NOL10: variants seen among roughly 807,000 people sequenced by gnomAD.
NOL10 encodes the protein nucleolar protein 10.
Under a neutral mutation model 103.5 loss-of-function variants are expected in NOL10, and 58 were observed. The ratio of observed to expected loss-of-function variants is 0.56; its 90% CI spans 0.45 to 0.70. NOL10 has a LOEUF of 0.70. NOL10 is among the 30% of genes least tolerant of loss of function. The pLI is 0.00. For synonymous variants in NOL10, 287 were observed against 282.5 expected, an observed-to-expected ratio of 1.02 and a Z score of -0.16; for missense variants, 763 against 807.3, an observed-to-expected ratio of 0.95 and a Z score of 0.67.
At chr2:10,667,595 C>T (rs1466121701) in intron 7 of NOL10, among the ~76,000 whole-genome samples, 4 of 152,296 alleles carry the variant, frequency 2.6e-5, no homozygotes, top group Middle Eastern at 3.4e-3. Flanking sequence ...TCTTCCAAGG[C>T]AGGTAACATT....
chr2:10,603,925 C>T (rs4613248), intron 14 of NOL10, among the ~76,000 whole-genome samples: 90,053 of 152,104 alleles, frequency 0.59, 27,671 homozygotes, highest in African/African-American at 0.74. Context: ...AGAACATTTA[C>T]GATATATGTC....
intron 13 of NOL10, among the ~76,000 whole-genome samples, chr2:10,638,454 C>T (rs1397824657): frequency 6.9e-6 from 1 of 144,084 alleles, no homozygotes; most frequent in Admixed American, 7.1e-5. Context: ...AAAACAAAAA[C>T]AAAGCACATA....
intron 13 of NOL10, among the ~76,000 whole-genome samples, chr2:10,627,607 G>A (rs1320968955): frequency 2.6e-5 from 4 of 151,952 alleles, no homozygotes; most frequent in South Asian, 2.1e-4. Flanking sequence ...CCCGGGAGGC[G>A]GAGGTTGCAG....
intron 20 of NOL10, among the ~76,000 whole-genome samples, chr2:10,573,945 T>A (rs1451912845): frequency 6.6e-6 from 1 of 152,154 alleles, no homozygotes; most frequent in Non-Finnish European, 1.5e-5. Flanking sequence ...CAACTCTCCA[T>A]GCAGCAACCG....
chr2:10,666,093 GAGTACCCAACGGTT>G (rs1313672318), intron 8 of NOL10, among the ~76,000 whole-genome samples: 1 of 151,982 alleles, frequency 6.6e-6, no homozygotes, highest in East Asian at 1.9e-4. Context: ...TTATGGTCAT[GAGTACCCAACGGTT>G]AGCTCCCACT....
At chr2:10,625,302 A>C (rs1677390608) in intron 13 of NOL10, among the ~76,000 whole-genome samples, 1 of 152,128 alleles carries the variant, frequency 6.6e-6, no homozygotes. Flanking sequence ...ATGTCTGTTC[A>C]CTGGCTGCAG....
chr2:10,600,256 A>G (rs1675901274), intron 17 of NOL10, among the ~76,000 whole-genome samples: 1 of 152,180 alleles, frequency 6.6e-6, no homozygotes, highest in Admixed American at 6.5e-5. Flanking sequence ...CCAACTAAAC[A>G]AAGTGCTAAC....
chr2:10,684,223 C>T lies in NOL10; in HGVS notation c.112+344G>A, dbSNP rs1329741141. On this transcript the variant is annotated intron_variant, in intron 2 of 20. Transcript: ENST00000381685. Reference sequence around the variant, plus strand: ...TCCAGGAGGTGGAGGTTGCAGTGAGCCGAGGTCACACCATTGCACTCCAGC... The same window carrying T: ...TCCAGGAGGTGGAGGTTGCAGTGAGTCGAGGTCACACCATTGCACTCCAGC... Among the ~76,000 whole-genome samples, 5 of 151,450 alleles carry T rather than the reference C, an allele frequency of 3.3e-5. No homozygotes were observed. The East Asian group carries it at 9.7e-4, about 29-fold the overall frequency.
At chr2:10,653,350 C>T (rs1679614722) in intron 12 of NOL10, among the ~76,000 whole-genome samples, 1 of 152,136 alleles carries the variant, frequency 6.6e-6, no homozygotes, top group African/African-American at 2.4e-5. Flanking sequence ...TGTCCTGTCA[C>T]CTCCTAATCC....
At position 10,587,098 on chromosome 2, in the gene NOL10, CACAT is replaced by C. The variant is rs577737370; in HGVS notation, c.1844+1941_1844+1944del. Reference sequence around the variant, plus strand: ...ATATACATATATATACATATATATACACATATATATACATATATATACATATATA... The same window carrying C: ...ATATACATATATATACATATATATACATATATACATATATATACATATATA... On this transcript the variant is annotated intron_variant, in intron 19 of 20. Transcript: ENST00000381685. Among the ~76,000 whole-genome samples the C allele has an allele frequency of 3.4e-4, 15 of 44,084 alleles. 1 individual carries two copies. Among genetic ancestry groups the C allele is most frequent in the Admixed American group, 5.4e-4 (2 of 3,682 alleles). 28.9% of individuals were successfully genotyped at this position (44,084 alleles called of 152,430 possible). A position where few individuals can be genotyped will look rare whatever the true frequency, so the allele number is the denominator to read the frequency against.
At chr2:10,625,427 A>T (rs189454778) in intron 13 of NOL10, among the ~76,000 whole-genome samples, 1 of 152,338 alleles carries the variant, frequency 6.6e-6, no homozygotes, top group African/African-American at 2.4e-5. Flanking sequence ...GCTCTAAAAA[A>T]TAAAGACCAC....
intron 13 of NOL10, among the ~76,000 whole-genome samples, chr2:10,631,878 C>G (rs1677871915): frequency 6.6e-6 from 1 of 152,188 alleles, no homozygotes; most frequent in South Asian, 2.1e-4. Context: ...CCACATCCAG[C>G]TAATTTTGTA....
intron 14 of NOL10, among the ~76,000 whole-genome samples, chr2:10,606,522 G>A (rs1572276900): frequency 6.8e-6 from 1 of 147,566 alleles, no homozygotes; most frequent in East Asian, 2.0e-4. Flanking sequence ...GTAGGAGAAT[G>A]ACTTTAGCCT....
rs17390099 is a variant in NOL10, at chr2:10,589,593, T to C, written c.1581A>G (p.Gln527=). The C allele has an allele frequency of 4.4e-5, 69 of 1,569,928 alleles. No individual in the cohort carries two copies. The highest frequency in any genetic ancestry group is 5.8e-5 in the Non-Finnish European group (68 of 1,165,224). The change falls in exon 18 of 21, where the codon CAA becomes CAG. Residue 527 remains glutamine, a synonymous_variant. Transcript: ENST00000381685. ...AGTACATTACTTTTTCACGAAGTTC[T>C]TGTTGCTCTAAGAGTCTTAGTTTCT... ...RKKKLRLLEQ[Q]ELREKEEEEE...
chr2:10,579,102 G>C (rs1674620614), intron 19 of NOL10, among the ~76,000 whole-genome samples: 1 of 152,124 alleles, frequency 6.6e-6, no homozygotes, highest in African/African-American at 2.4e-5. Flanking sequence ...AAATTCTGAA[G>C]CTAATGTTTG....
In NOL10 at chr2:10,684,618, A is replaced by G. The variant is rs770101148; in HGVS notation, c.67-6T>C. On this transcript the variant is annotated splice_polypyrimidine_tract_variant and splice_region_variant and intron_variant, in intron 1 of 20. Coordinates refer to ENST00000381685, the MANE Select transcript of NOL10 (RefSeq NM_024894.4). The stretch of plus-strand genomic sequence containing the variant: ...TTCTTCCTATCAGAAAGCCACTTAA[A>G]GAAAATGAAGAGAGTTTATTTTAAA... 3.8e-5 allele frequency: 60 copies of G among 1,558,774 alleles called. No homozygotes were observed. The highest frequency in any genetic ancestry group is 7.7e-5 in the Admixed American group (4 of 51,820).
intron 17 of NOL10, among the ~76,000 whole-genome samples, chr2:10,595,602 T>C (rs1431622412): frequency 1.3e-5 from 1 of 79,472 alleles, no homozygotes; most frequent in African/African-American, 4.0e-5. Flanking sequence ...TGTTTTGTTT[T>C]TGTTTGTTTG....
At chr2:10,591,532 G>A (rs1009544487) in intron 17 of NOL10, among the ~76,000 whole-genome samples, 3 of 152,066 alleles carry the variant, frequency 2.0e-5, no homozygotes, top group Non-Finnish European at 4.4e-5. Context: ...GGGTCATACT[G>A]TAAAGGATTT....
intron 12 of NOL10, among the ~76,000 whole-genome samples, chr2:10,652,258 AAAGAAAAAAG>A (rs1679522413): frequency 9.6e-5 from 1 of 10,438 alleles, no homozygotes; most frequent in African/African-American, 1.7e-4. Context: ...AAAAGAAAAA[AAAGAAAAAAG>A]AAAAAACAGC....
Sources: gnomAD v4.1 joint callset for allele counts (sites outside exome capture counted in the v4.1 genomes callset) on GRCh38, gnomAD v4.1.1 for gene constraint, MANE v1.5 for transcripts, NCBI Gene and HGNC (gene_info 2026-07-23, HGNC 2026-07-21) for gene names.